Variants in FAM13A observed in about 807,000 individuals in gnomAD.
The protein encoded by FAM13A is protein FAM13A.
Under a neutral mutation model 129.6 loss-of-function variants are expected in FAM13A, and 76 were observed. That is an observed-to-expected ratio of 0.59 (90% confidence interval 0.49 to 0.71). The LOEUF (loss-of-function observed/expected upper bound fraction) is 0.71. Among genes scored for constraint, FAM13A ranks in the 30% least tolerant of loss-of-function variants. The pLI is 0.00. For synonymous variants in FAM13A, 443 were observed against 449.9 expected, an observed-to-expected ratio of 0.98 and a Z score of 0.20; for missense variants, 1,108 against 1,249.3, an observed-to-expected ratio of 0.89 and a Z score of 1.70.
intron 6 of FAM13A, among the ~76,000 whole-genome samples, chr4:88,880,540 T>C (rs1453487390): frequency 6.6e-6 from 1 of 152,080 alleles, no homozygotes; most frequent in African/African-American, 2.4e-5. Flanking sequence ...AGGAACCTTC[T>C]AGCTGAACTT....
intron 1 of FAM13A, among the ~76,000 whole-genome samples, chr4:89,055,034 T>C (rs920906142): frequency 6.6e-6 from 1 of 152,214 alleles, no homozygotes; most frequent in Non-Finnish European, 1.5e-5. Context: ...GGGGCTCTCA[T>C]ATCCATATAC....
intron 7 of FAM13A, among the ~76,000 whole-genome samples, chr4:88,818,656 T>TA (rs1294765737): frequency 3.9e-5 from 6 of 152,154 alleles, no homozygotes; most frequent in Admixed American, 3.9e-4. Flanking sequence ...CTGACAGTGA[T>TA]AAAGCATAAA....
chr4:88,776,910 G>A (rs937519905), intron 11 of FAM13A, among the ~76,000 whole-genome samples: 2 of 152,126 alleles, frequency 1.3e-5, no homozygotes, highest in South Asian at 4.1e-4. Context: ...GGAGGGGGAG[G>A]TTGCAGTGAG....
chr4:88,937,895 T>A, intron 5 of FAM13A, 193 bp downstream of exon 5: 2 of 576,164 alleles, frequency 3.5e-6, no homozygotes, highest in South Asian at 4.6e-5. Context: ...ATTGCTATTA[T>A]TCTTGAATTT....
At chr4:88,839,805 T>C (rs769068843) in intron 7 of FAM13A, among the ~76,000 whole-genome samples, 5 of 152,200 alleles carry the variant, frequency 3.3e-5, no homozygotes, top group Non-Finnish European at 5.9e-5. Flanking sequence ...TAATAATTGT[T>C]AAATCTGCCC....
chr4:89,036,607 G>A (rs1769416103), intron 1 of FAM13A, among the ~76,000 whole-genome samples: 1 of 152,220 alleles, frequency 6.6e-6, no homozygotes, highest in Non-Finnish European at 1.5e-5. Context: ...AACATTCAGA[G>A]GAACTGAATG....
At chr4:89,041,499 T>G (rs558277381) in intron 1 of FAM13A, among the ~76,000 whole-genome samples, 3 of 152,174 alleles carry the variant, frequency 2.0e-5, no homozygotes, top group Admixed American at 6.5e-5. Flanking sequence ...AAGCTTAGCG[T>G]TCCAATAATG....
In FAM13A at chr4:88,750,607, C is replaced by T. The variant is rs766635116; in HGVS notation, c.1757G>A (p.Arg586Gln). The T allele has an allele frequency of 1.2e-5, 19 of 1,613,848 alleles. No individual in the cohort carries two copies. The highest frequency in any genetic ancestry group is 2.7e-5 in the African/African-American group (2 of 74,856). The change falls in exon 15 of 24, where the codon CGG becomes CAG. Residue 586 changes from arginine to glutamine, a missense_variant. By Grantham distance (43) the Arg-to-Gln change is conservative. Around this residue, in one of 3 missense-constraint regions of FAM13A, gnomAD observed 529 missense variants for 621.2 expected, o/e 0.85. Coordinates refer to ENST00000264344, the MANE Select transcript of FAM13A (RefSeq NM_014883.4). ...EPIPAFSSWQ[R>Q]ENSDSDEAHL... Reference sequence around the variant, plus strand: ...GGCTTCATCAGAGTCACTGTTCTCCCGCTGCCAGGAGGAGAAAGCAGGGAT... The same window carrying T: ...GGCTTCATCAGAGTCACTGTTCTCCTGCTGCCAGGAGGAGAAAGCAGGGAT...
chr4:88,780,189 A>G (rs895117030), intron 11 of FAM13A, among the ~76,000 whole-genome samples: 5 of 151,850 alleles, frequency 3.3e-5, no homozygotes, highest in South Asian at 4.1e-4. Flanking sequence ...TTATGGGGGG[A>G]AAAAAATCCT....
intron 19 of FAM13A, among the ~76,000 whole-genome samples, 165 bp downstream of exon 19, chr4:88,746,767 C>T (rs1023546055): frequency 6.6e-6 from 1 of 152,098 alleles, no homozygotes; most frequent in Non-Finnish European, 1.5e-5. Context: ...ATTGGTTAAG[C>T]CTTCAGAAAG....
chr4:88,941,106 G>T (rs1475134180), intron 4 of FAM13A, among the ~76,000 whole-genome samples: 2 of 152,130 alleles, frequency 1.3e-5, no homozygotes, highest in African/African-American at 2.4e-5. Flanking sequence ...AATCATAGGA[G>T]ACCATTGTTT....
chr4:89,032,691 T>C (rs539614070), intron 1 of FAM13A, among the ~76,000 whole-genome samples: 2 of 152,350 alleles, frequency 1.3e-5, no homozygotes, highest in Admixed American at 1.3e-4. Flanking sequence ...TAAATATTTA[T>C]TGTGGTTTGG....
chr4:89,041,763 A>G (rs1280124335), intron 1 of FAM13A, among the ~76,000 whole-genome samples: 2 of 152,024 alleles, frequency 1.3e-5, no homozygotes, highest in South Asian at 2.1e-4. Context: ...TCTACTAAAA[A>G]TACAAAAATT....
Position 88,739,144 on chromosome 4 carries a change from A to T in FAM13A, c.2467-19T>A, listed in dbSNP as rs760372862. ...TTGTTACCTGAAAAGCAAGAATGAG[A>T]GCTATGAGAAGCCTGCTGCTGGGAG... On this transcript the variant is annotated intron_variant, in intron 19 of 23. Coordinates refer to ENST00000264344, the MANE Select transcript of FAM13A (RefSeq NM_014883.4). The T allele has an allele frequency of 2.7e-5, 42 of 1,554,038 alleles. No individual in the cohort carries two copies. The highest frequency in any genetic ancestry group is 3.6e-5 in the Non-Finnish European group (40 of 1,125,688).
chr4:88,915,741 G>T (rs903659487), intron 5 of FAM13A, among the ~76,000 whole-genome samples: 4 of 152,180 alleles, frequency 2.6e-5, no homozygotes, highest in Admixed American at 2.6e-4. Flanking sequence ...CAAAGTGGCA[G>T]TGTTGAGAGG....
chr4:88,848,688 C>T (rs1737080110), intron 7 of FAM13A, among the ~76,000 whole-genome samples: 1 of 152,172 alleles, frequency 6.6e-6, no homozygotes, highest in South Asian at 2.1e-4. Flanking sequence ...CTTTCCTTTC[C>T]ATGGTTGTCA....
At chr4:88,980,197 G>A (rs1185212636) in intron 4 of FAM13A, among the ~76,000 whole-genome samples, 1 of 152,132 alleles carries the variant, frequency 6.6e-6, no homozygotes, top group African/African-American at 2.4e-5. Context: ...AGCATGCAGA[G>A]AAAACAAGAT....
intron 6 of FAM13A, among the ~76,000 whole-genome samples, chr4:88,876,263 A>T (rs1019211161): frequency 1.7e-4 from 26 of 152,206 alleles, no homozygotes; most frequent in African/African-American, 6.3e-4. Flanking sequence ...CACATTGTGC[A>T]CATGTACCCT....
Position 88,728,279 on chromosome 4 carries a change from A to G in FAM13A, c.*254T>C. 3 of 529,362 alleles carry G rather than the reference A, an allele frequency of 5.7e-6. No individual in the cohort carries two copies. The highest frequency in any genetic ancestry group is 1.0e-5 in the Non-Finnish European group (3 of 292,458). 32.8% of individuals were successfully genotyped at this position (529,362 alleles called of 1,614,324 possible). A position where few individuals can be genotyped will look rare whatever the true frequency, so the allele number is the denominator to read the frequency against. ...CACTACTGTGTGTGTGTGTGCGTGC[A>G]TGCGCGTGCGCATGTGCACATACTG... On this transcript the variant is annotated 3_prime_UTR_variant, in exon 24 of 24. Transcript: ENST00000264344.
Sources: gnomAD v4.1 joint callset for allele counts (sites outside exome capture counted in the v4.1 genomes callset) on GRCh38, gnomAD v4.1.1 for gene constraint, gnomAD v4.1.1 regional missense constraint, MANE v1.5 for transcripts, NCBI Gene and HGNC (gene_info 2026-07-23, HGNC 2026-07-21) for gene names.